Variants in PTDSS2 observed in about 807,000 individuals in gnomAD.
PTDSS2 encodes phosphatidylserine synthase 2.
Under a neutral mutation model 64.7 loss-of-function variants are expected in PTDSS2, and 41 were observed. That is an observed-to-expected ratio of 0.63 (90% CI 0.49 to 0.82). The LOEUF is 0.82. Among genes scored for constraint, PTDSS2 ranks in the 40% least tolerant of loss-of-function variants. PTDSS2 has a pLI of 0.00. For missense variants in PTDSS2, 485 were observed against 650.0 expected (o/e 0.75, Z 2.76); for synonymous variants, 297 against 277.8 (o/e 1.07, Z -0.69).
At position 462,681 on chromosome 11, in the gene PTDSS2, G is replaced by C. The variant is rs1435706386; in HGVS notation, c.284+2393G>C. 6.6e-6 allele frequency among the ~76,000 whole-genome samples: 1 copy of C among 152,124 alleles called. No individual in the cohort carries two copies. Among genetic ancestry groups the C allele is most frequent in the African/African-American group, 2.4e-5 (1 of 41,434 alleles). ...TCTCATGGCCTGGACCCGCACTGCT[G>C]CACACCAGAAGCCCAGCTCCTGGGC... On this transcript the variant is annotated intron_variant, in intron 2 of 11. Coordinates refer to ENST00000308020, the MANE Select transcript of PTDSS2 (RefSeq NM_030783.3). The surrounding 1 kb of genome is among the most constrained non-coding windows in gnomAD (Gnocchi z 4.5).
intron 4 of PTDSS2, among the ~76,000 whole-genome samples, chr11:483,499 G>C (rs1228745479): frequency 1.3e-5 from 2 of 152,244 alleles, no homozygotes; most frequent in Non-Finnish European, 2.9e-5. Context: ...TATATTCCTA[G>C]TTGGTTGAGT....
chr11:488,382 G>T, intron 7 of PTDSS2, 70 bp downstream of exon 7: 2 of 1,426,472 alleles, frequency 1.4e-6, no homozygotes, highest in Non-Finnish European at 2.0e-6. Flanking sequence ...CCTGTGCCCA[G>T]CGCGGCCCCT....
Position 472,942 on chromosome 11 carries a change from G to A in PTDSS2, c.285-953G>A, listed in dbSNP as rs148357391. 3.3e-4 allele frequency among the ~76,000 whole-genome samples: 50 copies of A among 152,338 alleles called. No homozygotes were observed. The East Asian group carries it at 8.7e-3, about 26-fold the overall frequency. On this transcript the variant is annotated intron_variant, in intron 2 of 11. Transcript: ENST00000308020. Reference sequence around the variant, plus strand: ...GCCGAGCCGTGGGAGGGACTGGGTGGTGCAGCGGCCAGTGGATCTCAGACC... The same window carrying A: ...GCCGAGCCGTGGGAGGGACTGGGTGATGCAGCGGCCAGTGGATCTCAGACC...
chr11:487,385 C>T (rs369718793), intron 5 of PTDSS2, 35 bp from the exon 6 acceptor site: 12 of 1,603,426 alleles, frequency 7.5e-6, no homozygotes, highest in African/African-American at 6.7e-5. Context: ...GGTGGCTGTG[C>T]CCCAGGGTCA....
chr11:450,156 G>C (rs1303790396), upstream of PTDSS2: 8 of 296,702 alleles, frequency 2.7e-5, no homozygotes, highest in Non-Finnish European at 5.0e-5. Flanking sequence ...TGCGACCTCA[G>C]CCGCAGGGCG....
At chr11:468,281 G>A (rs1249508123) in intron 2 of PTDSS2, among the ~76,000 whole-genome samples, 2 of 152,240 alleles carry the variant, frequency 1.3e-5, no homozygotes, top group Non-Finnish European at 2.9e-5. Flanking sequence ...GCAATATGAT[G>A]TGGTAGTGAA....
chr11:482,506 G>T (rs1216953473), intron 4 of PTDSS2, among the ~76,000 whole-genome samples: 3 of 152,070 alleles, frequency 2.0e-5, no homozygotes, highest in African/African-American at 7.2e-5. Context: ...TGGAGATGAG[G>T]TTTCGCCATG....
intron 1 of PTDSS2, among the ~76,000 whole-genome samples, chr11:452,206 G>C (rs796697927): frequency 2.6e-5 from 4 of 152,342 alleles, no homozygotes; most frequent in African/African-American, 7.2e-5. Context: ...GGCTCTTCTT[G>C]TTTCTCATTT....
Position 479,170 on chromosome 11 carries a change from G to T in PTDSS2, c.435+18G>T, listed in dbSNP as rs768352835. On this transcript the variant is annotated intron_variant, in intron 4 of 11. Transcript: ENST00000308020. This position sits in a 1 kb window ranked among gnomAD's most constrained non-coding sequence, Gnocchi z 4.2. ...TCTTCCAGGTAAGCTGTTTTTCTGGGTTGGATACCTGGGAACTTAGGTGAC... is the reference window on the plus strand; with the variant it reads ...TCTTCCAGGTAAGCTGTTTTTCTGGTTTGGATACCTGGGAACTTAGGTGAC... 2 of 1,606,456 alleles carry T rather than the reference G, an allele frequency of 1.2e-6. No individual in the cohort carries two copies. Among genetic ancestry groups the T allele is most frequent in the African/African-American group, 1.3e-5 (1 of 74,784 alleles).
chr11:489,954 T>C lies in PTDSS2; in HGVS notation c.1187T>C (p.Val396Ala). ...AAITATELLIVVKYDPHTLTL... is the reference protein window; with the variant it reads ...AAITATELLIAVKYDPHTLTL... ...ATCACGGCCACGGAGCTGCTCATCG[T>C]GGTGAAGTACGACCCCCACACGCTC... The change falls in exon 11 of 12, where the codon GTG (valine) becomes GCG (alanine). Residue 396 changes from valine (V) to alanine (A), a missense_variant. Around this residue, in one of 3 missense-constraint regions of PTDSS2, gnomAD observed 219 missense variants for 257.3 expected, o/e 0.85. Coordinates refer to ENST00000308020, the MANE Select transcript of PTDSS2 (RefSeq NM_030783.3). The C allele has an allele frequency of 2.5e-6, 4 of 1,611,254 alleles. No homozygotes were observed. The highest frequency in any genetic ancestry group is 2.5e-6 in the Non-Finnish European group (3 of 1,179,706).
At position 469,327 on chromosome 11, in the gene PTDSS2, A is replaced by G. The variant is rs1360908277; in HGVS notation, c.285-4568A>G. ...TCTCTGGGTAATCGGAGGGAGGAGG[A>G]GGGCAGTCTCTGGGTAATCGGAGGG... On this transcript the variant is annotated intron_variant, in intron 2 of 11. Coordinates refer to ENST00000308020, the MANE Select transcript of PTDSS2 (RefSeq NM_030783.3). Among the ~76,000 whole-genome samples the G allele has an allele frequency of 6.6e-3, 544 of 82,016 alleles. 13 individuals are homozygous for G. Among genetic ancestry groups the G allele is most frequent in the Non-Finnish European group, 9.3e-3 (393 of 42,252 alleles). 53.8% of individuals were successfully genotyped at this position (82,016 alleles called of 152,430 possible).
chr11:479,275 C>A lies in PTDSS2; in HGVS notation c.435+123C>A. ...GATGGGAGGAAGCAGGGCTAGACCC[C>A]CACAAAGTAGGCCGAGCTGCGGGGG... On this transcript the variant is annotated intron_variant, in intron 4 of 11. Transcript: ENST00000308020. This position sits in a 1 kb window ranked among gnomAD's most constrained non-coding sequence, Gnocchi z 4.2. The A allele has an allele frequency of 1.1e-6, 1 of 884,624 alleles. No homozygotes were observed. The highest frequency in any genetic ancestry group is 1.3e-5 in the South Asian group (1 of 75,580). 54.8% of individuals were successfully genotyped at this position (884,624 alleles called of 1,614,324 possible). A position where few individuals can be genotyped will look rare whatever the true frequency, so the allele number is the denominator to read the frequency against.
At chr11:482,980 CTG>C (rs1283275958) in intron 4 of PTDSS2, among the ~76,000 whole-genome samples, 1 of 136,700 alleles carries the variant, frequency 7.3e-6, no homozygotes, top group Non-Finnish European at 1.6e-5. Context: ...GCAGAAAGTT[CTG>C]TGAGTTTTTC....
At chr11:482,850 G>A (rs1009419402) in intron 4 of PTDSS2, among the ~76,000 whole-genome samples, 19 of 126,488 alleles carry the variant, frequency 1.5e-4, no homozygotes, top group East Asian at 2.4e-4. Flanking sequence ...GAGTGGAGAA[G>A]TTTCTGTGAG....
chr11:488,466 G>A, intron 7 of PTDSS2, 63 bp from the exon 8 acceptor site: 2 of 1,451,442 alleles, frequency 1.4e-6, no homozygotes, highest in East Asian at 2.3e-5. Context: ...TGCTCTTCCG[G>A]GGTCCTCCTC....
chr11:451,935 G>T (rs1175848928), intron 1 of PTDSS2, among the ~76,000 whole-genome samples: 1 of 152,144 alleles, frequency 6.6e-6, no homozygotes, highest in African/African-American at 2.4e-5. Flanking sequence ...GAGAGGAGAT[G>T]GGGTGCCTGC....
intron 6 of PTDSS2, 65 bp downstream of exon 6, chr11:487,535 GTTTCT>G: frequency 6.8e-7 from 1 of 1,466,276 alleles, no homozygotes; most frequent in Non-Finnish European, 9.6e-7. Context: ...GCTCTGGACC[GTTTCT>G]GTCCATGGAG....
intron 6 of PTDSS2, 76 bp downstream of exon 6, chr11:487,546 T>A (rs1316939475): frequency 1.4e-6 from 2 of 1,385,612 alleles, no homozygotes; most frequent in East Asian, 4.6e-5. Flanking sequence ...TTTCTGTCCA[T>A]GGAGTTGAGC....
Position 450,642 on chromosome 11 carries a change from G to A in PTDSS2, c.182+5G>A, listed in dbSNP as rs897865608. 27 of 1,243,280 alleles carry A rather than the reference G, an allele frequency of 2.2e-5. No homozygotes were observed. Among genetic ancestry groups the A allele is most frequent in the Non-Finnish European group, 2.5e-5 (25 of 986,138 alleles). 77.0% of individuals were successfully genotyped at this position (1,243,280 alleles called of 1,614,324 possible). A position where few individuals can be genotyped will look rare whatever the true frequency, so the allele number is the denominator to read the frequency against. On this transcript the variant is annotated splice_donor_5th_base_variant and intron_variant, in intron 1 of 11. Transcript: ENST00000308020. ...CGGCACCAACACCTTCTTCTGGTGA[G>A]GGCAGTGGGCGGCCGCGGGGCGGCG...
Sources: allele counts gnomAD v4.1 joint callset (sites outside exome capture counted in the v4.1 genomes callset), GRCh38; gene constraint gnomAD v4.1.1; regional missense constraint gnomAD v4.1.1; non-coding constraint Gnocchi (gnomAD v3.1); transcripts MANE v1.5; gene names NCBI Gene and HGNC (gene_info 2026-07-23, HGNC 2026-07-21).